ZBTB7A: variants seen among roughly 807,000 people sequenced by gnomAD.
The protein encoded by ZBTB7A is zinc finger and BTB domain containing 7A, also known as zinc finger and BTB domain-containing protein 7A.
ZBTB7A carries 7 observed loss-of-function variants against 26.7 expected under a neutral mutation model. The ratio of observed to expected loss-of-function variants is 0.26; its 90% CI spans 0.15 to 0.49. The LOEUF is 0.49. Ranked by LOEUF, ZBTB7A falls within the 20% of genes least tolerant of loss-of-function variation. The pLI is 0.98. For synonymous variants in ZBTB7A, 452 were observed against 441.0 expected, an observed-to-expected ratio of 1.02 and a Z score of -0.31; for missense variants, 617 against 919.5, an observed-to-expected ratio of 0.67 and a Z score of 4.25.
At chr19:4,053,686 CGTGTGT>C (rs532251486) in intron 2 of ZBTB7A, among the ~76,000 whole-genome samples, 258 of 149,602 alleles carry the variant, frequency 1.7e-3, no homozygotes, top group Admixed American at 0.011. Flanking sequence ...TGTGCGTGTG[CGTGTGT>C]GCGTCTGTGT....
At position 4,048,430 on chromosome 19, in the gene ZBTB7A, G is replaced by A. The variant is rs866083482; in HGVS notation, c.1263-186C>T. ...AAACGAGACGAGTGGGGGCGATTTC[G>A]CATTCTGAACATCTAAAGAGGGCCT... On this transcript the variant is annotated intron_variant, in intron 2 of 2. Transcript: ENST00000322357. The surrounding 1 kb of genome is among the most constrained non-coding windows in gnomAD (Gnocchi z 6.7). Among the ~76,000 whole-genome samples, 1 of 152,228 alleles carries A rather than the reference G, an allele frequency of 6.6e-6. No homozygotes were observed. Among genetic ancestry groups the A allele is most frequent in the East Asian group, 1.9e-4 (1 of 5,188 alleles).
rs1375376098 is a variant in ZBTB7A at position 4,045,990 on chromosome 19, C to CT, written c.*1761dup. The CT allele has an allele frequency of 2.5e-6, 1 of 398,750 alleles. No homozygotes were observed. Among genetic ancestry groups the CT allele is most frequent in the Non-Finnish European group, 4.4e-6 (1 of 226,086 alleles). The allele number at this position is 398,750 out of a possible 1,614,324, so 24.7% of individuals were successfully genotyped here. On this transcript the variant is annotated 3_prime_UTR_variant, in exon 3 of 3. Coordinates refer to ENST00000322357, the MANE Select transcript of ZBTB7A (RefSeq NM_015898.4). This position sits in a 1 kb window ranked among gnomAD's most constrained non-coding sequence, Gnocchi z 4.1. The stretch of plus-strand genomic sequence containing the variant: ...CAGGGTAGGCGCATCCAAGGTCCAG[C>CT]TCCTTGGTGGCCATGCGGGAGGGAC...
rs2040511207 is a variant in ZBTB7A, at chr19:4,052,226, G to A, written c.1262+1745C>T. ...TGGCCTGCGGCCAGGGAGGCAGGGT[G>A]GGGGTCACCACCTTCGCTCAGCCTG... On this transcript the variant is annotated intron_variant, in intron 2 of 2. Coordinates refer to ENST00000322357, the MANE Select transcript of ZBTB7A (RefSeq NM_015898.4). This position sits in a 1 kb window ranked among gnomAD's most constrained non-coding sequence, Gnocchi z 4.9. Among the ~76,000 whole-genome samples, 1 of 152,130 alleles carries A rather than the reference G, an allele frequency of 6.6e-6. No homozygotes were observed. The highest frequency in any genetic ancestry group is 1.5e-5 in the Non-Finnish European group (1 of 67,990).
At chr19:4,063,757 G>A (rs2040662821) in intron 1 of ZBTB7A, among the ~76,000 whole-genome samples, 1 of 152,206 alleles carries the variant, frequency 6.6e-6, no homozygotes, top group East Asian at 1.9e-4. Flanking sequence ...GAGCTGGAAG[G>A]ATGGAGCACA....
chr19:4,045,794 G>A lies in ZBTB7A; in HGVS notation c.*1958C>T, dbSNP rs200459333. 1,813 of 398,228 alleles carry A rather than the reference G, an allele frequency of 4.6e-3. 7 individuals are homozygous for A. The highest frequency in any genetic ancestry group is 5.7e-3 in the Non-Finnish European group (1,283 of 225,976). 24.7% of individuals were successfully genotyped at this position (398,228 alleles called of 1,614,324 possible). On this transcript the variant is annotated 3_prime_UTR_variant, in exon 3 of 3. Coordinates refer to ENST00000322357, the MANE Select transcript of ZBTB7A (RefSeq NM_015898.4). This position sits in a 1 kb window ranked among gnomAD's most constrained non-coding sequence, Gnocchi z 4.1. ...CAACCCCGGCCCCTGTCCGTGGCCT[G>A]TGGCTCGGTCAACACCGGGCCTTGT...
At position 4,054,019 on chromosome 19, in the gene ZBTB7A, G is replaced by A; in HGVS notation, c.1214C>T (p.Thr405Met). The change falls in exon 2 of 3, where the codon ACG (threonine) becomes ATG (methionine). Residue 405 changes from threonine (T) to methionine (M), a missense_variant. Physicochemically the swap from Thr to Met is moderately conservative, Grantham distance 81. Around this residue, in one of 5 missense-constraint regions of ZBTB7A, gnomAD observed 41 missense variants for 167.6 expected, o/e 0.24. Coordinates refer to ENST00000322357, the MANE Select transcript of ZBTB7A (RefSeq NM_015898.4). ...GTTGCACTCGTAGGGCTTCTCGCCCGTGTGGGTGCGGATGTGTCGCGGCAG... is the reference window on the plus strand; with the variant it reads ...GTTGCACTCGTAGGGCTTCTCGCCCATGTGGGTGCGGATGTGTCGCGGCAG... ...GKLPRHIRTH[T>M]GEKPYECNIC... 3 of 1,611,578 alleles carry A rather than the reference G, an allele frequency of 1.9e-6. No individual in the cohort carries two copies. The highest frequency in any genetic ancestry group is 2.5e-6 in the Non-Finnish European group (3 of 1,179,640).
chr19:4,053,686 CGT>C (rs532251486), intron 2 of ZBTB7A, among the ~76,000 whole-genome samples: 1 of 149,484 alleles, frequency 6.7e-6, no homozygotes. Context: ...TGTGCGTGTG[CGT>C]GTGTGCGTCT....
At chr19:4,055,960 G>A (rs1203168150) in intron 1 of ZBTB7A, among the ~76,000 whole-genome samples, 1 of 152,202 alleles carries the variant, frequency 6.6e-6, no homozygotes, top group Non-Finnish European at 1.5e-5. Context: ...ATAGCCAGAT[G>A]TCCCGGCTCC....
rs1178338620 is a variant in ZBTB7A at position 4,048,098 on chromosome 19, C to G, written c.1409G>C (p.Ser470Thr). 6.2e-7 allele frequency: 1 copy of G among 1,610,542 alleles called. No homozygotes were observed. The highest frequency in any genetic ancestry group is 1.1e-5 in the South Asian group (1 of 90,626). Residue 470 changes from serine (S) to threonine (T), a missense_variant, in exon 3 of 3, where the codon AGC becomes ACC. Ser to Thr is a moderately conservative substitution (Grantham distance 58). Coordinates refer to ENST00000322357, the MANE Select transcript of ZBTB7A (RefSeq NM_015898.4). The surrounding 1 kb of genome is among the most constrained non-coding windows in gnomAD (Gnocchi z 6.7). ...GGAGCGGACGAAGGTCTTGCAGCAG[C>G]TGTCGCACTGGTAGGGGCGCAGGCC... ...HTGLRPYQCDSCCKTFVRSDH... is the reference protein window; with the variant it reads ...HTGLRPYQCDTCCKTFVRSDH...
intron 1 of ZBTB7A, among the ~76,000 whole-genome samples, chr19:4,063,493 G>A (rs528805946): frequency 3.6e-4 from 55 of 152,332 alleles, no homozygotes; most frequent in African/African-American, 1.3e-3. Context: ...ACGTGCGCCA[G>A]CCAGGGCCTG....
At chr19:4,061,853 G>A (rs1287549449) in intron 1 of ZBTB7A, 1 of 152,256 alleles carries the variant, frequency 6.6e-6, no homozygotes, top group East Asian at 1.9e-4. Context: ...TACAGCCCGA[G>A]CCCAGGTTCC....
chr19:4,046,017 G>A lies in ZBTB7A; in HGVS notation c.*1735C>T, dbSNP rs1159617013. ...CCTTGGTGGCCATGCGGGAGGGACA[G>A]GCGTGTTGGGGGATTGGGGGGTGCC... On this transcript the variant is annotated 3_prime_UTR_variant, in exon 3 of 3. Coordinates refer to ENST00000322357, the MANE Select transcript of ZBTB7A (RefSeq NM_015898.4). The A allele has an allele frequency of 7.5e-6, 3 of 398,950 alleles. No individual in the cohort carries two copies. The highest frequency in any genetic ancestry group is 4.4e-5 in the Admixed American group (1 of 22,718). The allele number at this position is 398,950 out of a possible 1,614,324, so 24.7% of individuals were successfully genotyped here.
At chr19:4,051,769 G>A (rs1468373742) in intron 2 of ZBTB7A, among the ~76,000 whole-genome samples, 2 of 152,238 alleles carry the variant, frequency 1.3e-5, no homozygotes, top group South Asian at 2.1e-4. Context: ...TTCTAGAACC[G>A]TGCAGAGACT....
chr19:4,045,948 CCT>C lies in ZBTB7A; in HGVS notation c.*1802_*1803del, dbSNP rs920914124. ...TCTAAGGCCCTGGAGGTGGGGGGCC[CCT>C]GTCACCCACCTCAGCAGGGTAGGCG... On this transcript the variant is annotated 3_prime_UTR_variant, in exon 3 of 3. Transcript: ENST00000322357. This position sits in a 1 kb window ranked among gnomAD's most constrained non-coding sequence, Gnocchi z 4.1. The C allele has an allele frequency of 7.3e-5, 29 of 398,560 alleles. No individual in the cohort carries two copies. Among genetic ancestry groups the C allele is most frequent in the South Asian group, 1.3e-4 (1 of 7,856 alleles). The allele number at this position is 398,560 out of a possible 1,614,324, so 24.7% of individuals were successfully genotyped here. A position where few individuals can be genotyped will look rare whatever the true frequency, so the allele number is the denominator to read the frequency against.
rs1011454360 is a variant in ZBTB7A, at chr19:4,046,225, G to A, written c.*1527C>T. On this transcript the variant is annotated 3_prime_UTR_variant, in exon 3 of 3. Transcript: ENST00000322357. ...CCACAGTCCTGCCTTCGAGGCTGAC[G>A]TCTGGGGGTGAAGCACAAACACCTC... 7.6e-6 allele frequency: 3 copies of A among 396,384 alleles called. No individual in the cohort carries two copies. The highest frequency in any genetic ancestry group is 1.3e-5 in the Non-Finnish European group (3 of 225,086). 24.6% of individuals were successfully genotyped at this position (396,384 alleles called of 1,614,324 possible).
chr19:4,062,525 C>T (rs1000904143), intron 1 of ZBTB7A, among the ~76,000 whole-genome samples: 4 of 152,186 alleles, frequency 2.6e-5, no homozygotes, highest in Non-Finnish European at 4.4e-5. Flanking sequence ...TGGCCAGGGT[C>T]GCGCAGCAGA....
At chr19:4,064,490 AGGCCT>A (rs1472758789) in intron 1 of ZBTB7A, among the ~76,000 whole-genome samples, 2 of 152,230 alleles carry the variant, frequency 1.3e-5, no homozygotes, top group Non-Finnish European at 2.9e-5. Flanking sequence ...GGCTGGGCTT[AGGCCT>A]GGCCTGGCCT....
At chr19:4,051,314 A>G (rs1032976769) in intron 2 of ZBTB7A, among the ~76,000 whole-genome samples, 1 of 151,998 alleles carries the variant, frequency 6.6e-6, no homozygotes, top group Non-Finnish European at 1.5e-5. Context: ...CTCACACTCA[A>G]TAGACTGAAG....
chr19:4,061,724 G>C (rs368820260), intron 1 of ZBTB7A: 1 of 152,376 alleles, frequency 6.6e-6, no homozygotes, highest in African/African-American at 2.4e-5. Context: ...GTGTGACAGC[G>C]GGGATGGGGG....
Sources: gnomAD v4.1 joint callset for allele counts (sites outside exome capture counted in the v4.1 genomes callset) on GRCh38, gnomAD v4.1.1 for gene constraint, gnomAD v4.1.1 regional missense constraint, Gnocchi (gnomAD v3.1) non-coding constraint, MANE v1.5 for transcripts, NCBI Gene and HGNC (gene_info 2026-07-23, HGNC 2026-07-21) for gene names.